The following MAPKAP1 variants were observed in gnomAD, a reference collection of about 807,000 sequenced individuals.
MAPKAP1 encodes the protein target of rapamycin complex 2 subunit MAPKAP1.
In MAPKAP1, 20 loss-of-function variants were observed where a neutral mutation model predicts 65.7. The ratio of observed to expected loss-of-function variants is 0.30; its 90% CI spans 0.21 to 0.44. MAPKAP1 has a LOEUF of 0.44. Among genes scored for constraint, MAPKAP1 ranks in the 20% least tolerant of loss-of-function variants. MAPKAP1 has a pLI of 1.00. For synonymous variants in MAPKAP1, 222 were observed against 244.3 expected, an observed-to-expected ratio of 0.91 and a Z score of 0.85; for missense variants, 423 against 648.0, an observed-to-expected ratio of 0.65 and a Z score of 3.77.
chr9:125,552,591 T>C (rs1830615307), intron 6 of MAPKAP1, among the ~76,000 whole-genome samples: 1 of 152,118 alleles, frequency 6.6e-6, no homozygotes, highest in African/African-American at 2.4e-5. Flanking sequence ...CAAAGGAAGG[T>C]TAAACCCCAT....
intron 8 of MAPKAP1, among the ~76,000 whole-genome samples, chr9:125,493,468 A>T (rs2133057341): frequency 6.6e-6 from 1 of 152,366 alleles, no homozygotes; most frequent in Non-Finnish European, 1.5e-5. Flanking sequence ...GGGCAGGAAC[A>T]TCCCATTCTA....
intron 11 of MAPKAP1, among the ~76,000 whole-genome samples, chr9:125,440,465 G>A (rs1196790806): frequency 2.6e-5 from 4 of 152,186 alleles, no homozygotes; most frequent in Non-Finnish European, 4.4e-5. Context: ...TTGACTAGAA[G>A]GCTGAATATT....
chr9:125,636,209 C>T (rs1305996280), intron 4 of MAPKAP1, among the ~76,000 whole-genome samples: 1 of 152,154 alleles, frequency 6.6e-6, no homozygotes, highest in African/African-American at 2.4e-5. Flanking sequence ...ATGAGCACAA[C>T]TGTGGACCAA....
At chr9:125,579,988 T>A (rs1020057301) in intron 5 of MAPKAP1, among the ~76,000 whole-genome samples, 1 of 152,184 alleles carries the variant, frequency 6.6e-6, no homozygotes, top group Non-Finnish European at 1.5e-5. Context: ...ACCAGGGAAA[T>A]TGACATTGGT....
At position 125,506,291 on chromosome 9, in the gene MAPKAP1, A is replaced by G. The variant is rs1829138610; in HGVS notation, c.1066+19T>C. The stretch of plus-strand genomic sequence containing the variant: ...TTTGCAACGGACAAAGCGGGCATGG[A>G]GCGAGGCGGCCAACGTACTGTTCTC... On this transcript the variant is annotated intron_variant, in intron 8 of 11. Coordinates refer to ENST00000265960, the MANE Select transcript of MAPKAP1 (RefSeq NM_001006617.3). 6.2e-7 allele frequency: 1 copy of G among 1,601,594 alleles called. No individual in the cohort carries two copies. Among genetic ancestry groups the G allele is most frequent in the Non-Finnish European group, 8.6e-7 (1 of 1,168,852 alleles).
chr9:125,472,306 C>A (rs1182640973), intron 9 of MAPKAP1, among the ~76,000 whole-genome samples: 2 of 152,198 alleles, frequency 1.3e-5, no homozygotes, highest in Non-Finnish European at 2.9e-5. Flanking sequence ...CTGCTCTGCA[C>A]AGCCTCAGCC....
At chr9:125,599,596 G>T (rs1310387448) in intron 4 of MAPKAP1, among the ~76,000 whole-genome samples, 2 of 139,438 alleles carry the variant, frequency 1.4e-5, no homozygotes, top group Admixed American at 1.6e-4. Flanking sequence ...TATGATAAAT[G>T]TAAGTCCCTT....
chr9:125,689,537 A>G (rs1835100554), intron 1 of MAPKAP1, among the ~76,000 whole-genome samples: 1 of 150,216 alleles, frequency 6.7e-6, no homozygotes, highest in Non-Finnish European at 1.5e-5. Flanking sequence ...ACCTGAGGTC[A>G]GGAGTTCAAG....
At chr9:125,449,367 T>C (rs953478883) in intron 10 of MAPKAP1, among the ~76,000 whole-genome samples, 4 of 152,176 alleles carry the variant, frequency 2.6e-5, no homozygotes, top group Admixed American at 6.5e-5. Flanking sequence ...ATGATGGAAC[T>C]GGTATTTGAT....
At chr9:125,442,393 T>TGA in intron 11 of MAPKAP1, among the ~76,000 whole-genome samples, 1 of 152,200 alleles carries the variant, frequency 6.6e-6, no homozygotes, top group African/African-American at 2.4e-5. Context: ...TCTCTGCACT[T>TGA]GATCTTCCAC....
intron 7 of MAPKAP1, among the ~76,000 whole-genome samples, chr9:125,515,087 GAATTTAAAT>G (rs1419497502): frequency 2.6e-5 from 4 of 151,942 alleles, no homozygotes; most frequent in African/African-American, 9.7e-5. Context: ...GGATAGTTTG[GAATTTAAAT>G]AATAAAAAAG....
rs182161094 is a variant in MAPKAP1 at position 125,683,065 on chromosome 9, C to T, written c.-69-10422G>A. 3.6e-4 allele frequency among the ~76,000 whole-genome samples: 55 copies of T among 151,810 alleles called. No homozygotes were observed. The East Asian group carries it at 9.5e-3, about 26-fold the overall frequency. ...CCGCCTCCCAGGTTCAAGCGATTCT[C>T]CTGCCTCAGCCTCCCTAGTAGCTGA... is the stretch of plus-strand genomic sequence containing the variant. On this transcript the variant is annotated intron_variant, in intron 1 of 11. Coordinates refer to ENST00000265960, the MANE Select transcript of MAPKAP1 (RefSeq NM_001006617.3).
At chr9:125,575,444 G>A (rs1486409793) in intron 5 of MAPKAP1, among the ~76,000 whole-genome samples, 3 of 152,194 alleles carry the variant, frequency 2.0e-5, no homozygotes, top group Non-Finnish European at 4.4e-5. Context: ...AGATGGCTGA[G>A]GTCCTATCAA....
chr9:125,600,856 C>G (rs1313842368), intron 4 of MAPKAP1, among the ~76,000 whole-genome samples: 2 of 152,124 alleles, frequency 1.3e-5, no homozygotes, highest in African/African-American at 2.4e-5. Context: ...CAGTGCTTTG[C>G]ATTTAACTAT....
chr9:125,706,244 G>C (rs772621039), intron 1 of MAPKAP1, among the ~76,000 whole-genome samples: 1 of 151,864 alleles, frequency 6.6e-6, no homozygotes, highest in Non-Finnish European at 1.5e-5. Flanking sequence ...GAATGAGAAC[G>C]CTGCTTTTTT....
chr9:125,519,938 G>C (rs1168038971), intron 7 of MAPKAP1, among the ~76,000 whole-genome samples: 2 of 152,038 alleles, frequency 1.3e-5, no homozygotes, highest in Admixed American at 6.5e-5. Context: ...GTAGAGAAAA[G>C]GTCTGGATTT....
At chr9:125,625,266 A>AT (rs1564589636) in intron 4 of MAPKAP1, among the ~76,000 whole-genome samples, 1 of 90,740 alleles carries the variant, frequency 1.1e-5, no homozygotes, top group Non-Finnish European at 2.9e-5. Context: ...AAAAAAAAAA[A>AT]AAAAAAAAAA....
At chr9:125,541,195 T>A (rs968916781) in intron 7 of MAPKAP1, among the ~76,000 whole-genome samples, 14 of 152,164 alleles carry the variant, frequency 9.2e-5, no homozygotes, top group African/African-American at 2.4e-4. Flanking sequence ...AAGGCAGTAA[T>A]GTGTACACAA....
chr9:125,473,479 T>C (rs545580271), intron 9 of MAPKAP1, among the ~76,000 whole-genome samples: 60 of 152,326 alleles, frequency 3.9e-4, no homozygotes, highest in African/African-American at 1.4e-3. Context: ...CATTGCCTGA[T>C]TGCTGTCCTA....
Sources: allele counts gnomAD v4.1 joint callset (sites outside exome capture counted in the v4.1 genomes callset), GRCh38; gene constraint gnomAD v4.1.1; transcripts MANE v1.5; gene names NCBI Gene and HGNC (gene_info 2026-07-23, HGNC 2026-07-21).